Variants in PRH1 observed in about 807,000 individuals in gnomAD.
PRH1 encodes the protein salivary acidic proline-rich phosphoprotein 1/2.
In PRH1, 7 loss-of-function variants were observed where a neutral mutation model predicts 7.9. That is an observed-to-expected ratio of 0.89 (90% CI 0.50 to 1.67). The LOEUF is 1.67. Among genes scored for constraint, PRH1 ranks in the 40% most tolerant of loss-of-function variants. The pLI is 0.00. For synonymous variants in PRH1, 45 were observed against 80.8 expected, an observed-to-expected ratio of 0.56 and a Z score of 2.38; for missense variants, 109 against 223.6, an observed-to-expected ratio of 0.49 and a Z score of 3.27.
intron 1 of PRH1, among the ~76,000 whole-genome samples, chr12:10,979,531 A>G (rs1176448648): frequency 2.6e-5 from 4 of 152,210 alleles, no homozygotes; most frequent in Non-Finnish European, 5.9e-5. Flanking sequence ...TCAAATGATT[A>G]TAGGACTTCG....
exon 2 of PRH1, chr12:11,121,130 C>CA (rs923816704): frequency 2.0e-5 from 3 of 152,968 alleles, no homozygotes; most frequent in African/African-American, 7.2e-5. Context: ...ATAAAGCTGG[C>CA]ACCTTCTTGT....
intron 2 of PRH1, among the ~76,000 whole-genome samples, chr12:10,953,110 G>T (rs1405144206): frequency 6.7e-6 from 1 of 150,028 alleles, no homozygotes; most frequent in Non-Finnish European, 1.5e-5. Flanking sequence ...TGTCAAAGAA[G>T]ATAAAAACAG....
At chr12:10,950,662 A>G (rs186744859) in intron 2 of PRH1, among the ~76,000 whole-genome samples, 32 of 152,134 alleles carry the variant, frequency 2.1e-4, no homozygotes, top group Admixed American at 2.6e-4. Flanking sequence ...TATTTTCTTC[A>G]ATCAAACATT....
chr12:11,140,960 C>A (rs975743477), intron 1 of PRH1, among the ~76,000 whole-genome samples: 34 of 151,756 alleles, frequency 2.2e-4, no homozygotes, highest in Admixed American at 1.8e-3. Context: ...TTCTTAGGAA[C>A]CTCAAAAAGG....
At chr12:11,071,543 T>TAA (rs1240391886) in intron 1 of PRH1, among the ~76,000 whole-genome samples, 1 of 152,190 alleles carries the variant, frequency 6.6e-6, no homozygotes, top group Non-Finnish European at 1.5e-5. Context: ...ACTCAGGTAG[T>TAA]CCTAAAGCTA....
intron 1 of PRH1, among the ~76,000 whole-genome samples, chr12:11,108,528 G>A (rs1258726096): frequency 3.3e-5 from 5 of 152,188 alleles, no homozygotes; most frequent in Non-Finnish European, 2.9e-5. Flanking sequence ...TGAGCCGAAG[G>A]AGGGTGTGGT....
At chr12:11,038,916 GT>G (rs1942577327) in intron 1 of PRH1, among the ~76,000 whole-genome samples, 1 of 152,194 alleles carries the variant, frequency 6.6e-6, no homozygotes, top group Admixed American at 6.5e-5. Context: ...AATAAGTAAT[GT>G]CAATTTCAAA....
At chr12:10,932,172 T>C in intron 2 of PRH1, 1 of 424,594 alleles carries the variant, frequency 2.4e-6, no homozygotes, top group South Asian at 1.6e-5. Flanking sequence ...AATGAGGTAT[T>C]AGACATTTCC....
In PRH1 at chr12:11,089,033, G is replaced by A. The variant is rs1172199876; in HGVS notation, n.124-41845C>T. Among the ~76,000 whole-genome samples, 2 of 116,122 alleles carry A rather than the reference G, an allele frequency of 1.7e-5. 1 individual carries two copies. The allele number at this position is 116,122 out of a possible 152,430, so 76.2% of individuals were successfully genotyped here. A position where few individuals can be genotyped will look rare whatever the true frequency, so the allele number is the denominator to read the frequency against. ...CACAAAACCCTATGCAACTGTGGACGTCATATGCTCATAAAGCCAGCCATG... is the reference window on the plus strand; with the variant it reads ...CACAAAACCCTATGCAACTGTGGACATCATATGCTCATAAAGCCAGCCATG... On this transcript the variant is annotated intron_variant and non_coding_transcript_variant, in intron 1 of 4. Coordinates refer to the PRH1 transcript ENST00000541977.
intron 1 of PRH1, among the ~76,000 whole-genome samples, chr12:10,981,186 A>G (rs1452809948): frequency 6.6e-6 from 1 of 152,132 alleles, no homozygotes; most frequent in Non-Finnish European, 1.5e-5. Flanking sequence ...CTCAGGATGT[A>G]TCATATGTTG....
intron 1 of PRH1, among the ~76,000 whole-genome samples, chr12:11,123,775 C>T (rs1040368086): frequency 1.5e-4 from 23 of 152,154 alleles, no homozygotes; most frequent in African/African-American, 5.5e-4. Context: ...CTAATTATCT[C>T]TTCTACTCCA....
At chr12:11,021,745 G>T (rs773053390) in intron 1 of PRH1, 2 of 1,614,148 alleles carry the variant, frequency 1.2e-6, no homozygotes, top group South Asian at 2.2e-5. Context: ...CAGGATGAAT[G>T]AGTGGAATGA....
In PRH1 at chr12:10,933,040, C is replaced by T. The variant is rs74627295; in HGVS notation, c.-59+40615G>A. On this transcript the variant is annotated intron_variant, in intron 2 of 3. Transcript: ENST00000539853. ...AAATGATTCATAAATTTTGAACTAA[C>T]AGTAATAACTTCTTGAAAATCCAAT... is the stretch of plus-strand genomic sequence containing the variant. Among the ~76,000 whole-genome samples the T allele has an allele frequency of 8.1e-3, 1,228 of 152,054 alleles. 17 individuals carry two copies. Among genetic ancestry groups the T allele is most frequent in the East Asian group, 0.062 (323 of 5,178 alleles).
intron 1 of PRH1, among the ~76,000 whole-genome samples, chr12:11,028,935 C>T (rs536507364): frequency 2.0e-5 from 3 of 152,274 alleles, no homozygotes; most frequent in Non-Finnish European, 4.4e-5. Flanking sequence ...GTGTGAGTTT[C>T]CTTTTCACTG....
chr12:11,104,368 T>TC (rs2136290078), intron 1 of PRH1, among the ~76,000 whole-genome samples: 1 of 151,836 alleles, frequency 6.6e-6, no homozygotes, highest in Non-Finnish European at 1.5e-5. Context: ...TGAATGACAA[T>TC]GTATTAAAAA....
chr12:10,905,014 T>A (rs199722828), intron 2 of PRH1, among the ~76,000 whole-genome samples: 3 of 146,422 alleles, frequency 2.0e-5, no homozygotes, highest in Non-Finnish European at 3.0e-5. Context: ...ATCAAAAAGT[T>A]AAAAAAAAAA....
In PRH1 at chr12:11,091,158, T is replaced by C. The variant is rs192079402; in HGVS notation, n.124-43970A>G. On this transcript the variant is annotated intron_variant and non_coding_transcript_variant, in intron 1 of 4. Coordinates refer to the PRH1 transcript ENST00000541977. ...TATATATATATTTTCTAGACTGCCATTGGGTCAAAGACTTTTCTAGGTATA... is the reference window on the plus strand; with the variant it reads ...TATATATATATTTTCTAGACTGCCACTGGGTCAAAGACTTTTCTAGGTATA... 1.7e-3 allele frequency: 140 copies of C among 82,004 alleles called. 19 individuals carry two copies. Among genetic ancestry groups the C allele is most frequent in the African/African-American group, 6.7e-3 (132 of 19,618 alleles). 5.1% of individuals were successfully genotyped at this position (82,004 alleles called of 1,614,324 possible).
chr12:11,019,551 T>TA (rs2136064362), intron 1 of PRH1, among the ~76,000 whole-genome samples: 1 of 150,910 alleles, frequency 6.6e-6, no homozygotes, highest in Admixed American at 6.6e-5. Flanking sequence ...ACTAAAAAAA[T>TA]ATACAAATAA....
chr12:11,046,936 A>G (rs1942921169), intron 1 of PRH1: 1 of 447,084 alleles, frequency 2.2e-6, no homozygotes, highest in African/African-American at 2.0e-5. Context: ...ATACATTTGT[A>G]TCAGGATGAA....
Sources: allele counts gnomAD v4.1 joint callset (sites outside exome capture counted in the v4.1 genomes callset), GRCh38; gene constraint gnomAD v4.1.1; transcripts MANE v1.5; gene names NCBI Gene and HGNC (gene_info 2026-07-23, HGNC 2026-07-21).